Variants in XYLB observed in about 807,000 individuals in gnomAD.
The protein encoded by XYLB is xylulokinase, also known as xylulose kinase.
In XYLB, 62 loss-of-function variants were observed where a neutral mutation model predicts 78.7. That is an observed-to-expected ratio of 0.79 (90% confidence interval 0.64 to 0.97). The LOEUF is 0.97. XYLB is among the 50% of genes least tolerant of loss of function. The pLI is 0.00. For missense variants in XYLB, 687 were observed against 676.8 expected (o/e 1.02, Z -0.17); for synonymous variants, 245 against 247.4 (o/e 0.99, Z 0.09).
rs1220118149 is a variant in XYLB, at chr3:38,413,206, G to T, written c.*193G>T. The T allele has an allele frequency of 4.1e-6, 2 of 482,052 alleles. No individual in the cohort carries two copies. Among genetic ancestry groups the T allele is most frequent in the Non-Finnish European group, 7.1e-6 (2 of 281,838 alleles). 29.9% of individuals were successfully genotyped at this position (482,052 alleles called of 1,614,324 possible). A position where few individuals can be genotyped will look rare whatever the true frequency, so the allele number is the denominator to read the frequency against. On this transcript the variant is annotated 3_prime_UTR_variant, in exon 19 of 19. Transcript: ENST00000207870. ...AAGATAGATAGGCACTCCTGTCCCT[G>T]TGCCCGTGTGCCCCAGGGCAGGAAA... is the stretch of plus-strand genomic sequence containing the variant.
chr3:38,407,626 A>T (rs943232640), intron 18 of XYLB, among the ~76,000 whole-genome samples: 1 of 152,312 alleles, frequency 6.6e-6, no homozygotes, highest in South Asian at 2.1e-4. Flanking sequence ...AGTGTGCTGT[A>T]TTCAGGAAAC....
the XYLB span, among the ~76,000 whole-genome samples, chr3:38,434,758 C>A: frequency 2.2e-4 from 33 of 152,154 alleles, no homozygotes; most frequent in African/African-American, 7.5e-4. Flanking sequence ...AACCAGGAAA[C>A]AACAATATGA....
At chr3:38,363,655 A>G (rs1441225865) in intron 4 of XYLB, among the ~76,000 whole-genome samples, 1 of 152,340 alleles carries the variant, frequency 6.6e-6, no homozygotes, top group South Asian at 2.1e-4. Flanking sequence ...CTCATCTGTC[A>G]TAGGGTCATT....
chr3:38,375,208 G>C lies in XYLB; in HGVS notation c.953G>C (p.Gly318Ala). ...WLQEPMPALE[G>A]HIFCNPVDSQ... ...CAAGAGCCCATGCCTGCCCTGGAAG[G>C]CCACATCTTCTGCAACCCGGTTGAC... Residue 318 changes from glycine (G) to alanine (A), a missense_variant, in exon 12 of 19, where the codon GGC becomes GCC. Transcript: ENST00000207870. The C allele has an allele frequency of 6.2e-7, 1 of 1,614,186 alleles. No homozygotes were observed. Among genetic ancestry groups the C allele is most frequent in the East Asian group, 2.2e-5 (1 of 44,888 alleles).
At chr3:38,390,994 C>T (rs1475567330) in intron 15 of XYLB, among the ~76,000 whole-genome samples, 3 of 152,120 alleles carry the variant, frequency 2.0e-5, no homozygotes, top group African/African-American at 4.8e-5. Flanking sequence ...CCGATACAGG[C>T]GGATCGCTTG....
Position 38,413,831 on chromosome 3 carries a change from C to A in XYLB, c.*818C>A, listed in dbSNP as rs943032281. The A allele has an allele frequency of 6.6e-5, 10 of 152,150 alleles. No individual in the cohort carries two copies. Among genetic ancestry groups the A allele is most frequent in the African/African-American group, 2.4e-4 (10 of 41,440 alleles). The allele number at this position is 152,150 out of a possible 1,614,324, so 9.4% of individuals were successfully genotyped here. A position where few individuals can be genotyped will look rare whatever the true frequency, so the allele number is the denominator to read the frequency against. ...TTCTCTCCCTTTTTCTCCCTCATTC[C>A]CTCTCTCTTCTTGCAGTCCACTTGC... On this transcript the variant is annotated 3_prime_UTR_variant, in exon 19 of 19. Coordinates refer to ENST00000207870, the MANE Select transcript of XYLB (RefSeq NM_005108.4).
At chr3:38,359,316 G>C (rs939177471) in intron 2 of XYLB, among the ~76,000 whole-genome samples, 3 of 152,340 alleles carry the variant, frequency 2.0e-5, no homozygotes, top group Non-Finnish European at 2.9e-5. Flanking sequence ...CCCTGGATGG[G>C]CCAGGTGTTC....
At chr3:38,439,481 G>T in the XYLB span, among the ~76,000 whole-genome samples, 1 of 152,198 alleles carries the variant, frequency 6.6e-6, no homozygotes, top group African/African-American at 2.4e-5. Flanking sequence ...TTTGAAAGGC[G>T]GCCAGACGCA....
chr3:38,441,398 T>G, the XYLB span, among the ~76,000 whole-genome samples: 1 of 152,270 alleles, frequency 6.6e-6, no homozygotes, highest in South Asian at 2.1e-4. Context: ...CTGCCCTTTG[T>G]ATCTTATTAG....
chr3:38,425,243 A>G (rs557599689), downstream of XYLB, among the ~76,000 whole-genome samples: 2 of 152,332 alleles, frequency 1.3e-5, no homozygotes, highest in East Asian at 1.9e-4. Context: ...ATCTTCTGCA[A>G]TGCTTCACAG....
chr3:38,356,407 ACCTGGAAAGGAAAC>A (rs1705657878), intron 2 of XYLB: 2 of 152,288 alleles, frequency 1.3e-5, no homozygotes, highest in African/African-American at 4.8e-5. Flanking sequence ...CATTTTCACC[ACCTGGAAAGGAAAC>A]CCTGTATTAA....
intron 15 of XYLB, among the ~76,000 whole-genome samples, chr3:38,392,094 T>C (rs894888235): frequency 2.0e-5 from 3 of 152,174 alleles, no homozygotes; most frequent in African/African-American, 7.2e-5. Context: ...CTGCTGAGTG[T>C]AAGGGAGTGG....
chr3:38,449,424 T>G, the XYLB span, among the ~76,000 whole-genome samples: 4 of 152,132 alleles, frequency 2.6e-5, no homozygotes, highest in African/African-American at 9.7e-5. Flanking sequence ...CCCAGCCTTA[T>G]TTTTATTTAT....
intron 8 of XYLB, among the ~76,000 whole-genome samples, chr3:38,369,177 G>A (rs1001574302): frequency 2.0e-5 from 3 of 152,146 alleles, no homozygotes; most frequent in East Asian, 1.9e-4. Context: ...TGTATGCCAG[G>A]CTTTATTCTG....
intron 1 of XYLB, among the ~76,000 whole-genome samples, chr3:38,347,435 T>G (rs1338539561): frequency 6.6e-6 from 1 of 152,164 alleles, no homozygotes; most frequent in Admixed American, 6.5e-5. Context: ...CCCAGCACTT[T>G]GGGAGGCCGA....
Position 38,390,467 on chromosome 3 carries a change from G to C in XYLB, c.1292-5038G>C, listed in dbSNP as rs548936160. ...GACCTCAGGTGGTCTTCCTGCCTCG[G>C]CCTCCCAAACTGTTGGGATTACAGG... On this transcript the variant is annotated intron_variant, in intron 15 of 18. Coordinates refer to ENST00000207870, the MANE Select transcript of XYLB (RefSeq NM_005108.4). 6.6e-5 allele frequency among the ~76,000 whole-genome samples: 10 copies of C among 152,144 alleles called. No homozygotes were observed. In the East Asian group the frequency reaches 1.7e-3, roughly 27 times the overall value.
At chr3:38,353,511 C>G (rs1705479012) in intron 2 of XYLB, among the ~76,000 whole-genome samples, 1 of 151,844 alleles carries the variant, frequency 6.6e-6, no homozygotes, top group African/African-American at 2.4e-5. Context: ...GGGTCTCACT[C>G]TGTTGCCCAG....
downstream of XYLB, chr3:38,415,118 C>A (rs1708744599): frequency 6.6e-6 from 1 of 152,134 alleles, no homozygotes; most frequent in Admixed American, 6.5e-5. Context: ...AGCCTCTAGG[C>A]CAAAAGACCT....
At chr3:38,417,188 C>A (rs1248359602), downstream of XYLB, among the ~76,000 whole-genome samples, 1 of 152,160 alleles carries the variant, frequency 6.6e-6, no homozygotes, top group Non-Finnish European at 1.5e-5. Flanking sequence ...GTAATCCCAG[C>A]ACTTTGGGAG....
Sources: gnomAD v4.1 joint callset for allele counts (sites outside exome capture counted in the v4.1 genomes callset) on GRCh38, gnomAD v4.1.1 for gene constraint, MANE v1.5 for transcripts, NCBI Gene and HGNC (gene_info 2026-07-23, HGNC 2026-07-21) for gene names.